The following ROBO1 variants were observed in gnomAD, a reference collection of about 807,000 sequenced individuals.
ROBO1 encodes the protein roundabout guidance receptor 1, also known as roundabout homolog 1.
Under a neutral mutation model 195.9 loss-of-function variants are expected in ROBO1, and 149 were observed. That is an observed-to-expected ratio of 0.76 (90% confidence interval 0.67 to 0.87). The LOEUF (loss-of-function observed/expected upper bound fraction) is 0.87. ROBO1 is among the 40% of genes least tolerant of loss of function. ROBO1 has a pLI of 0.00. For synonymous variants in ROBO1, 816 were observed against 733.2 expected (o/e 1.11, Z -1.82); for missense variants, 1,933 against 2,068.3 (o/e 0.93, Z 1.27).
At chr3:79,451,807 G>A (rs1438562615) in intron 2 of ROBO1, among the ~76,000 whole-genome samples, 1 of 151,876 alleles carries the variant, frequency 6.6e-6, no homozygotes, top group African/African-American at 2.4e-5. Context: ...CATAGAGAAA[G>A]GGAAAAATAA....
chr3:79,349,228 G>C (rs1403935189), intron 2 of ROBO1, among the ~76,000 whole-genome samples: 1 of 152,168 alleles, frequency 6.6e-6, no homozygotes, highest in African/African-American at 2.4e-5. Flanking sequence ...GGATCAACTT[G>C]AAGTAAATGC....
chr3:79,339,421 C>G (rs1419432525), intron 2 of ROBO1, among the ~76,000 whole-genome samples: 4 of 152,154 alleles, frequency 2.6e-5, no homozygotes, highest in African/African-American at 9.7e-5. Context: ...GGTACCATTG[C>G]TTTTCCACAA....
intron 1 of ROBO1, among the ~76,000 whole-genome samples, chr3:79,704,534 C>T (rs537176671): frequency 8.9e-4 from 136 of 152,048 alleles, no homozygotes; most frequent in African/African-American, 3.2e-3. Context: ...TCTTTTAATG[C>T]TGCATAGTAT....
intron 2 of ROBO1, among the ~76,000 whole-genome samples, chr3:79,320,712 T>C (rs1206941755): frequency 1.3e-5 from 2 of 152,228 alleles, no homozygotes; most frequent in Non-Finnish European, 2.9e-5. Flanking sequence ...ATTGATTATA[T>C]TTTAAACAGA....
At chr3:79,416,238 T>C (rs2037994007) in intron 2 of ROBO1, among the ~76,000 whole-genome samples, 1 of 152,018 alleles carries the variant, frequency 6.6e-6, no homozygotes, top group South Asian at 2.1e-4. Flanking sequence ...TTAAGGGCTA[T>C]TGCAGCAGTC....
intron 4 of ROBO1, among the ~76,000 whole-genome samples, chr3:78,763,926 A>T (rs1027211478): frequency 4.6e-5 from 7 of 152,202 alleles, no homozygotes; most frequent in African/African-American, 1.7e-4. Context: ...TTAGTGTATG[A>T]AGTAAAAGTT....
chr3:78,946,255 T>C (rs2040436498), intron 3 of ROBO1, among the ~76,000 whole-genome samples: 2 of 152,148 alleles, frequency 1.3e-5, no homozygotes, highest in South Asian at 4.1e-4. Flanking sequence ...GGAAAAAATG[T>C]TAAGGGCAGC....
Position 79,681,211 on chromosome 3 carries a change from A to C in ROBO1, c.-51+86541T>G, listed in dbSNP as rs76532168. Among the ~76,000 whole-genome samples, 358 of 152,124 alleles carry C rather than the reference A, an allele frequency of 2.4e-3. 1 individual carries two copies. Among genetic ancestry groups the C allele is most frequent in the African/African-American group, 8.5e-3 (352 of 41,550 alleles). ...GTAGCTGTATGAAAACATGTGATTCAAAGATTTGGGTAGGAACGGCTTTAT... is the reference window on the plus strand; with the variant it reads ...GTAGCTGTATGAAAACATGTGATTCCAAGATTTGGGTAGGAACGGCTTTAT... On this transcript the variant is annotated intron_variant, in intron 1 of 30. Transcript: ENST00000464233.
At chr3:79,479,623 T>C (rs1340040457) in intron 2 of ROBO1, among the ~76,000 whole-genome samples, 1 of 152,156 alleles carries the variant, frequency 6.6e-6, no homozygotes, top group African/African-American at 2.4e-5. Context: ...CTTTGGAAAG[T>C]TACCTTACCA....
At chr3:79,659,585 T>C (rs1279075831) in intron 1 of ROBO1, among the ~76,000 whole-genome samples, 1 of 150,750 alleles carries the variant, frequency 6.6e-6, no homozygotes. Context: ...ACAGTTACGA[T>C]GTATGAACAA....
chr3:78,672,254 C>T (rs1396317602), intron 10 of ROBO1, among the ~76,000 whole-genome samples: 7 of 151,712 alleles, frequency 4.6e-5, no homozygotes, highest in Non-Finnish European at 1.0e-4. Context: ...AAAACAACAA[C>T]AACAACAAAA....
At chr3:78,852,076 A>T (rs1052242522) in intron 4 of ROBO1, among the ~76,000 whole-genome samples, 1 of 152,104 alleles carries the variant, frequency 6.6e-6, no homozygotes, top group Non-Finnish European at 1.5e-5. Flanking sequence ...ATTCCCAGAA[A>T]TTTAATCCAT....
intron 2 of ROBO1, among the ~76,000 whole-genome samples, chr3:79,248,492 T>C (rs2082666128): frequency 6.6e-6 from 1 of 151,338 alleles, no homozygotes; most frequent in South Asian, 2.1e-4. Flanking sequence ...AACAGAATAA[T>C]GCTTCATGCA....
At chr3:78,652,919 A>G (rs1290199894) in intron 18 of ROBO1, among the ~76,000 whole-genome samples, 2 of 152,020 alleles carry the variant, frequency 1.3e-5, no homozygotes, top group Non-Finnish European at 2.9e-5. Flanking sequence ...GCAATATCCA[A>G]TTCTGTTGGC....
chr3:78,775,791 T>G (rs547114036), intron 4 of ROBO1, among the ~76,000 whole-genome samples: 1 of 152,362 alleles, frequency 6.6e-6, no homozygotes, highest in African/African-American at 2.4e-5. Context: ...GAACCATTTT[T>G]GGCCTTTGAT....
chr3:79,125,293 G>C (rs1009325297), intron 3 of ROBO1, among the ~76,000 whole-genome samples, 163 bp downstream of exon 3: 4 of 152,156 alleles, frequency 2.6e-5, no homozygotes, highest in African/African-American at 9.7e-5. Context: ...GTTTACTTTA[G>C]CAATATGATC....
intron 2 of ROBO1, among the ~76,000 whole-genome samples, chr3:79,559,746 G>A (rs947059395): frequency 3.3e-5 from 5 of 151,952 alleles, no homozygotes; most frequent in South Asian, 2.1e-4. Flanking sequence ...GTGAAACCCC[G>A]TCTCTACTAA....
chr3:79,197,726 C>T (rs2081666389), intron 2 of ROBO1, among the ~76,000 whole-genome samples: 1 of 152,044 alleles, frequency 6.6e-6, no homozygotes, highest in Non-Finnish European at 1.5e-5. Flanking sequence ...TTAGTGATTG[C>T]CACTGTAACT....
At chr3:79,406,516 C>A (rs879231880) in intron 2 of ROBO1, among the ~76,000 whole-genome samples, 1 of 151,758 alleles carries the variant, frequency 6.6e-6, no homozygotes, top group South Asian at 2.1e-4. Flanking sequence ...TTCTTTCCCC[C>A]AAAAGCTAGA....
Sources: allele counts gnomAD v4.1 joint callset (sites outside exome capture counted in the v4.1 genomes callset), GRCh38; gene constraint gnomAD v4.1.1; transcripts MANE v1.5; gene names NCBI Gene and HGNC (gene_info 2026-07-23, HGNC 2026-07-21).